The following GRTP1 variants were observed in gnomAD, a reference collection of about 807,000 sequenced individuals.
The protein encoded by GRTP1 is growth hormone regulated TBC protein 1.
Under a neutral mutation model 38.1 loss-of-function variants are expected in GRTP1, and 56 were observed. The ratio of observed to expected loss-of-function variants is 1.47; its 90% confidence interval spans 1.19 to 1.84. The LOEUF (loss-of-function observed/expected upper bound fraction) is 1.84. GRTP1 is among the 40% of genes most tolerant of loss of function. The pLI is 0.00. For synonymous variants in GRTP1, 217 were observed against 189.5 expected (o/e 1.14, Z -1.19); for missense variants, 506 against 453.9 (o/e 1.11, Z -1.04).
intron 5 of GRTP1, among the ~76,000 whole-genome samples, chr13:113,331,579 G>A (rs755210072): frequency 9.2e-5 from 14 of 152,082 alleles, no homozygotes; most frequent in East Asian, 5.8e-4. Flanking sequence ...CTTACAGGGC[G>A]TGAGCCTTCT....
chr13:113,350,686 T>C (rs1478032070), intron 4 of GRTP1, among the ~76,000 whole-genome samples, 163 bp downstream of exon 4: 1 of 152,108 alleles, frequency 6.6e-6, no homozygotes, highest in Non-Finnish European at 1.5e-5. Context: ...CTGCTCCCTG[T>C]CCTCCCTGCT....
Position 113,325,784 on chromosome 13 carries a change from G to T in GRTP1, c.798C>A (p.Ala266=), listed in dbSNP as rs762087508. The T allele has an allele frequency of 6.2e-7, 1 of 1,614,142 alleles. No individual in the cohort carries two copies. Among genetic ancestry groups the T allele is most frequent in the East Asian group, 2.2e-5 (1 of 44,870 alleles). The part of the protein sequence containing the change: ...NEGSKIIFRV[A]LTLIKQHQEL... ...CCTGGTGCTGCTTAATTAAGGTCAG[G>T]GCCACCCGGAAGATAATCTTCGAGC... The change falls in exon 7 of 8, where the codon GCC becomes GCA. Residue 266 remains alanine, a synonymous_variant. Transcript: ENST00000375431.
Position 113,324,584 on chromosome 13 carries a change from G to C in GRTP1, c.922-7C>G, listed in dbSNP as rs1487468194. The C allele has an allele frequency of 2.5e-6, 4 of 1,598,882 alleles. No individual in the cohort carries two copies. The highest frequency in any genetic ancestry group is 1.1e-5 in the South Asian group (1 of 88,424). On this transcript the variant is annotated splice_region_variant and splice_polypyrimidine_tract_variant and intron_variant, in intron 7 of 7. Transcript: ENST00000375431. ...CAGGTTCTGAAAATATTTTCTGGAA[G>C]GCAAACAGTTAGTTTAAAAACAAAC...
chr13:113,343,833 C>A lies in GRTP1; in HGVS notation c.562+1030G>T, dbSNP rs2043060290. 6.6e-6 allele frequency among the ~76,000 whole-genome samples: 1 copy of A among 152,156 alleles called. No individual in the cohort carries two copies. Among genetic ancestry groups the A allele is most frequent in the Non-Finnish European group, 1.5e-5 (1 of 68,034 alleles). ...CTGCCCTGCAGGATGAGCACGCAGCCCCCTTGACCCAGCACCACAGCCAGG... is the reference window on the plus strand; with the variant it reads ...CTGCCCTGCAGGATGAGCACGCAGCACCCTTGACCCAGCACCACAGCCAGG... On this transcript the variant is annotated intron_variant, in intron 5 of 7. Transcript: ENST00000375431. This position sits in a 1 kb window ranked among gnomAD's most constrained non-coding sequence, Gnocchi z 4.8.
Position 113,346,235 on chromosome 13 carries a change from C to CA in GRTP1, c.466-1277_466-1276insT, listed in dbSNP as rs2043125458. Among the ~76,000 whole-genome samples the CA allele has an allele frequency of 2.8e-5, 3 of 105,528 alleles. No homozygotes were observed. The Admixed American group carries it at 2.9e-4, about 10-fold the overall frequency. The allele number at this position is 105,528 out of a possible 152,430, so 69.2% of individuals were successfully genotyped here. ...GGACCTCTGTGGCTGAGAACAGACC[C>CA]GGGAGGACCTCTGTGGCCGAGAGCA... On this transcript the variant is annotated intron_variant, in intron 4 of 7. Transcript: ENST00000375431.
At chr13:113,331,844 A>G (rs2042875766) in intron 5 of GRTP1, among the ~76,000 whole-genome samples, 1 of 149,770 alleles carries the variant, frequency 6.7e-6, no homozygotes, top group African/African-American at 2.4e-5. Flanking sequence ...TTTAGTAGAG[A>G]CGGGGTTTCA....
intron 2 of GRTP1, among the ~76,000 whole-genome samples, chr13:113,360,804 T>C (rs189210509): frequency 2.7e-3 from 418 of 152,310 alleles, no homozygotes; most frequent in Non-Finnish European, 4.8e-3. Flanking sequence ...CATAATTACA[T>C]GGTCCACTTA....
intron 4 of GRTP1, among the ~76,000 whole-genome samples, chr13:113,346,195 A>ACAGTGGACCCGG (rs1566429515): frequency 2.5e-4 from 27 of 110,002 alleles, no homozygotes; most frequent in East Asian, 7.5e-4. Context: ...TCTGTGGCTG[A>ACAGTGGACCCGG]GAGCAGACCC....
intron 5 of GRTP1, among the ~76,000 whole-genome samples, chr13:113,335,856 A>C (rs1228923488): frequency 6.6e-6 from 1 of 151,822 alleles, no homozygotes; most frequent in Non-Finnish European, 1.5e-5. Context: ...GTAGTGGTAC[A>C]AACTCAGCTC....
rs1231440838 is a variant in GRTP1, at chr13:113,342,925, A to T, written c.562+1938T>A. ...GACTGAAAACGCATCTGTCCATCAC[A>T]CCAGCACGGCGGGGCCTGCTCCTGC... On this transcript the variant is annotated intron_variant, in intron 5 of 7. Transcript: ENST00000375431. This position sits in a 1 kb window ranked among gnomAD's most constrained non-coding sequence, Gnocchi z 4.5. 1.3e-5 allele frequency among the ~76,000 whole-genome samples: 2 copies of T among 152,066 alleles called. No homozygotes were observed. Among genetic ancestry groups the T allele is most frequent in the Admixed American group, 1.3e-4 (2 of 15,262 alleles).
rs1016901659 is a variant in GRTP1, at chr13:113,349,840, C to G, written c.465+1009G>C. Among the ~76,000 whole-genome samples, 8 of 152,174 alleles carry G rather than the reference C, an allele frequency of 5.3e-5. No homozygotes were observed. Among genetic ancestry groups the G allele is most frequent in the Non-Finnish European group, 1.0e-4 (7 of 68,026 alleles). ...GTTGGTGCACGCCTGGCTCCCGGCT[C>G]CTACAGGAAGTTTCTGGGGGCATCA... is the stretch of plus-strand genomic sequence containing the variant. On this transcript the variant is annotated intron_variant, in intron 4 of 7. Coordinates refer to ENST00000375431, the MANE Select transcript of GRTP1 (RefSeq NM_024719.4). The surrounding 1 kb of genome is among the most constrained non-coding windows in gnomAD (Gnocchi z 5.0).
In GRTP1 at chr13:113,332,210, ACCTC is replaced by A. The variant is rs1428796529; in HGVS notation, c.563-6123_563-6120del. On this transcript the variant is annotated intron_variant, in intron 5 of 7. Coordinates refer to ENST00000375431, the MANE Select transcript of GRTP1 (RefSeq NM_024719.4). ...ATTTCAGCACATTTGCTCCCCCGTC[ACCTC>A]CCTATCTGCACGCACACCACACACA... 3.3e-5 allele frequency among the ~76,000 whole-genome samples: 5 copies of A among 150,012 alleles called. 1 individual carries two copies. The highest frequency in any genetic ancestry group is 5.9e-5 in the Non-Finnish European group (4 of 67,628).
Position 113,324,498 on chromosome 13 carries a change from G to T in GRTP1, c.1001C>A (p.Ala334Glu). ...AGGGGACAGGCACGCTCACCCCTGT[G>T]CCAGCAGCCGGGCCCTGCAGCTCTC... is the stretch of plus-strand genomic sequence containing the variant. Reference protein sequence around the residue: ...LRESCRARLLAQG With the variant: ...LRESCRARLLEQG The change falls in exon 8 of 8, where the codon GCA (alanine) becomes GAA (glutamate). Residue 334 changes from alanine (A) to glutamate (E), a missense_variant. Physicochemically the swap from Ala to Glu is moderately radical, Grantham distance 107. Transcript: ENST00000375431. The T allele has an allele frequency of 6.2e-7, 1 of 1,609,642 alleles. No homozygotes were observed. The highest frequency in any genetic ancestry group is 8.5e-7 in the Non-Finnish European group (1 of 1,178,308).
chr13:113,341,694 T>A (rs539829494), intron 5 of GRTP1, among the ~76,000 whole-genome samples: 1 of 152,352 alleles, frequency 6.6e-6, no homozygotes, highest in East Asian at 1.9e-4. Flanking sequence ...CAGTCCTTCA[T>A]GTGTATGTTT....
intron 5 of GRTP1, among the ~76,000 whole-genome samples, chr13:113,334,282 A>ATCCCGCCCACCCCGCACTGCTACGACC (rs55801264): frequency 6.9e-6 from 1 of 144,936 alleles, no homozygotes; most frequent in African/African-American, 2.5e-5. Context: ...CTGCCACGAC[A>ATCCCGCCCACCCCGCACTGCTACGACC]GCCTCCCGCC....
rs79321267 is a variant in GRTP1, at chr13:113,330,708, A to G, written c.563-4617T>C. 1.0e-4 allele frequency among the ~76,000 whole-genome samples: 9 copies of G among 86,484 alleles called. 1 individual carries two copies. The highest frequency in any genetic ancestry group is 1.9e-4 in the Non-Finnish European group (8 of 42,586). The allele number at this position is 86,484 out of a possible 152,430, so 56.7% of individuals were successfully genotyped here. On this transcript the variant is annotated intron_variant, in intron 5 of 7. Coordinates refer to ENST00000375431, the MANE Select transcript of GRTP1 (RefSeq NM_024719.4). The stretch of plus-strand genomic sequence containing the variant: ...CATGGGAGCCCAGGTGTGTGCATGG[A>G]AACCCGGGTGTGTGCATGGAAACCC...
At chr13:113,345,673 C>T (rs180688264) in intron 4 of GRTP1, among the ~76,000 whole-genome samples, 17 of 152,350 alleles carry the variant, frequency 1.1e-4, no homozygotes, top group South Asian at 2.1e-4. Context: ...ATCGGAAGTG[C>T]GGAGGGGCAG....
chr13:113,329,975 A>T (rs961344603), intron 5 of GRTP1, among the ~76,000 whole-genome samples: 1 of 152,000 alleles, frequency 6.6e-6, no homozygotes, highest in Admixed American at 6.6e-5. Flanking sequence ...ATGGAAAACC[A>T]GGTGTGTGCA....
At chr13:113,355,615 T>C (rs2139521868) in intron 2 of GRTP1, 134 bp from the exon 3 acceptor site, 1 of 1,098,076 alleles carries the variant, frequency 9.1e-7, no homozygotes, top group South Asian at 1.9e-5. Context: ...ACTTCGTCCA[T>C]CTCCACCAAA....
Sources: gnomAD v4.1 joint callset for allele counts (sites outside exome capture counted in the v4.1 genomes callset) on GRCh38, gnomAD v4.1.1 for gene constraint, Gnocchi (gnomAD v3.1) non-coding constraint, MANE v1.5 for transcripts, NCBI Gene and HGNC (gene_info 2026-07-23, HGNC 2026-07-21) for gene names.